Variants in ARHGAP22 observed in about 807,000 individuals in gnomAD.
ARHGAP22 encodes the protein Rho GTPase activating protein 22, also known as rho GTPase-activating protein 22.
In ARHGAP22, 48 loss-of-function variants were observed where a neutral mutation model predicts 59.1. The observed-to-expected ratio is 0.81, with a 90% CI of 0.64 to 1.03. The LOEUF (loss-of-function observed/expected upper bound fraction) is 1.03. ARHGAP22 is among the 50% of genes least tolerant of loss of function. The pLI, the probability that ARHGAP22 is intolerant of heterozygous loss-of-function variation, is 0.00. For synonymous variants in ARHGAP22, 445 were observed against 416.4 expected, an observed-to-expected ratio of 1.07 and a Z score of -0.84; for missense variants, 1,015 against 958.7, an observed-to-expected ratio of 1.06 and a Z score of -0.78.
intron 3 of ARHGAP22, among the ~76,000 whole-genome samples, chr10:48,516,778 C>T (rs1026173502): frequency 1.3e-5 from 2 of 152,142 alleles, no homozygotes; most frequent in Admixed American, 6.6e-5. Context: ...ATATCAAAAA[C>T]CAAGACATCA....
At chr10:48,451,330 G>T in intron 8 of ARHGAP22, 190 bp from the exon 9 acceptor site, 1 of 825,110 alleles carries the variant, frequency 1.2e-6, no homozygotes, top group Non-Finnish European at 2.0e-6. Context: ...AGGACAGCAG[G>T]ATGGGGCCGC....
chr10:48,530,694 A>C (rs1219529977), intron 3 of ARHGAP22, among the ~76,000 whole-genome samples: 6 of 152,236 alleles, frequency 3.9e-5, no homozygotes, highest in Non-Finnish European at 8.8e-5. Context: ...ATGATCAGGG[A>C]AATGCAAATC....
the ARHGAP22 span, among the ~76,000 whole-genome samples, chr10:48,432,859 C>T: frequency 6.6e-6 from 1 of 152,166 alleles, no homozygotes. Context: ...TCAGTTATAG[C>T]TTGCAAAGAC....
chr10:48,602,042 T>A (rs1449269045), intron 1 of ARHGAP22, among the ~76,000 whole-genome samples: 1 of 152,220 alleles, frequency 6.6e-6, no homozygotes, highest in East Asian at 1.9e-4. Context: ...ACCATGATTC[T>A]TCTACATCTG....
chr10:48,606,335 T>C (rs755286066), upstream of ARHGAP22, among the ~76,000 whole-genome samples: 1 of 152,112 alleles, frequency 6.6e-6, no homozygotes, highest in Non-Finnish European at 1.5e-5. Context: ...AGGGGAGGAC[T>C]GCAGAGTAAG....
rs755971788 is a variant in ARHGAP22, at chr10:48,636,103, T to G, written c.52+16131A>C. Reference sequence around the variant, plus strand: ...AGAAGGAAAATCTCCATCTTCAGACTCATTTCCCAGGGGTCCTGTGCTGCC... The same window carrying G: ...AGAAGGAAAATCTCCATCTTCAGACGCATTTCCCAGGGGTCCTGTGCTGCC... On this transcript the variant is annotated intron_variant, in intron 1 of 9. Coordinates refer to the ARHGAP22 transcript ENST00000435790. Among the ~76,000 whole-genome samples, 4 of 152,360 alleles carry G rather than the reference T, an allele frequency of 2.6e-5. No homozygotes were observed. The East Asian group carries it at 7.7e-4, about 29-fold the overall frequency.
At chr10:48,645,719 T>C (rs935911276) in intron 1 of ARHGAP22, among the ~76,000 whole-genome samples, 23 of 152,160 alleles carry the variant, frequency 1.5e-4, no homozygotes, top group Admixed American at 1.4e-3. Flanking sequence ...TACTGAATGC[T>C]TTCCCCTTAA....
chr10:48,436,477 T>A, the ARHGAP22 span: 1 of 152,188 alleles, frequency 6.6e-6, no homozygotes, highest in Non-Finnish European at 1.5e-5. Flanking sequence ...CCTTTTAAAT[T>A]ATCTCTGGAA....
chr10:48,569,741 AC>A (rs1329962279), intron 2 of ARHGAP22, among the ~76,000 whole-genome samples: 2 of 152,230 alleles, frequency 1.3e-5, no homozygotes, highest in Non-Finnish European at 2.9e-5. Context: ...TGGAAGAAAC[AC>A]AAAAGTCATT....
At chr10:48,516,290 C>G (rs2053279838) in intron 3 of ARHGAP22, among the ~76,000 whole-genome samples, 2 of 152,128 alleles carry the variant, frequency 1.3e-5, no homozygotes, top group South Asian at 4.1e-4. Flanking sequence ...TTTGGGAGGC[C>G]AAGGCAGGAG....
intron 1 of ARHGAP22, among the ~76,000 whole-genome samples, chr10:48,592,980 A>G (rs1425075803): frequency 1.3e-5 from 2 of 152,236 alleles, no homozygotes; most frequent in African/African-American, 4.8e-5. Context: ...ACTATGGCCT[A>G]TGAGGGTCCT....
intron 3 of ARHGAP22, among the ~76,000 whole-genome samples, chr10:48,507,962 C>T (rs1480912340): frequency 6.6e-6 from 1 of 151,786 alleles, no homozygotes; most frequent in African/African-American, 2.4e-5. Context: ...TGCCAAGTCC[C>T]TTGCCTGAAG....
intron 4 of ARHGAP22, among the ~76,000 whole-genome samples, chr10:48,473,836 GC>G (rs2048453332): frequency 6.6e-6 from 1 of 152,206 alleles, no homozygotes; most frequent in Non-Finnish European, 1.5e-5. Context: ...CTTTAAGGGG[GC>G]TTGCAGACTC....
At chr10:48,512,374 C>T (rs749223294) in intron 3 of ARHGAP22, among the ~76,000 whole-genome samples, 2 of 152,234 alleles carry the variant, frequency 1.3e-5, no homozygotes, top group Non-Finnish European at 2.9e-5. Context: ...ACTTCCTCAT[C>T]TCTAAAACAG....
At chr10:48,541,609 C>T (rs1289563004) in intron 3 of ARHGAP22, among the ~76,000 whole-genome samples, 2 of 152,216 alleles carry the variant, frequency 1.3e-5, no homozygotes, top group Admixed American at 6.5e-5. Flanking sequence ...AAGTGTCCCC[C>T]TGTGTAGAAC....
At chr10:48,563,059 T>C (rs2057791485) in intron 2 of ARHGAP22, among the ~76,000 whole-genome samples, 2 of 152,102 alleles carry the variant, frequency 1.3e-5, no homozygotes, top group Non-Finnish European at 2.9e-5. Flanking sequence ...CCTGCACCCT[T>C]CCACCATCTT....
At chr10:48,636,816 G>T (rs1019497724) in intron 1 of ARHGAP22, among the ~76,000 whole-genome samples, 1 of 152,218 alleles carries the variant, frequency 6.6e-6, no homozygotes, top group Non-Finnish European at 1.5e-5. Context: ...GCAAAACCCA[G>T]AGTGCTGGGA....
intron 2 of ARHGAP22, among the ~76,000 whole-genome samples, chr10:48,563,187 A>ATTTTTTTTTTTTTTTTTTTTTTTTTT (rs558735630): frequency 1.9e-5 from 2 of 104,214 alleles, no homozygotes; most frequent in Admixed American, 1.1e-4. Context: ...ATCCAGGATA[A>ATTTTTTTTTTTTTTTTTTTTTTTTTT]TTTTTTTTTT....
chr10:48,482,256 T>C lies in ARHGAP22; in HGVS notation c.323-2492A>G, dbSNP rs550396788. Among the ~76,000 whole-genome samples the C allele has an allele frequency of 5.1e-4, 77 of 152,338 alleles. 1 individual carries two copies. The highest frequency in any genetic ancestry group is 1.8e-3 in the African/African-American group (74 of 41,576). On this transcript the variant is annotated intron_variant, in intron 3 of 9. Coordinates refer to ENST00000249601, the MANE Select transcript of ARHGAP22 (RefSeq NM_021226.4). ...CACAGTTTTAGGATTTACATGTAGGTCTATGAGTTACTTTTTGTATATGGG... is the reference window on the plus strand; with the variant it reads ...CACAGTTTTAGGATTTACATGTAGGCCTATGAGTTACTTTTTGTATATGGG...
Sources: allele counts gnomAD v4.1 joint callset (sites outside exome capture counted in the v4.1 genomes callset), GRCh38; gene constraint gnomAD v4.1.1; transcripts MANE v1.5; gene names NCBI Gene and HGNC (gene_info 2026-07-23, HGNC 2026-07-21).